NCK2: variants seen among roughly 807,000 people sequenced by gnomAD.
The protein encoded by NCK2 is cytoplasmic protein NCK2.
A neutral mutation model predicts 33.9 loss-of-function variants in NCK2; 16 were observed. The observed-to-expected ratio is 0.47, with a 90% CI of 0.32 to 0.72. The LOEUF (loss-of-function observed/expected upper bound fraction) is 0.72. Ranked by LOEUF, NCK2 falls within the 30% of genes least tolerant of loss-of-function variation. NCK2 has a pLI of 0.03. For missense variants in NCK2, 418 were observed against 537.3 expected (o/e 0.78, Z 2.19); for synonymous variants, 273 against 239.9 (o/e 1.14, Z -1.27).
chr2:105,778,976 A>G (rs1038449478), intron 1 of NCK2, among the ~76,000 whole-genome samples: 2 of 152,150 alleles, frequency 1.3e-5, no homozygotes, highest in South Asian at 2.1e-4. Flanking sequence ...CAATATTTAA[A>G]TGTTAAAACA....
chr2:105,846,180 G>A (rs1396554465), intron 2 of NCK2, among the ~76,000 whole-genome samples: 1 of 152,122 alleles, frequency 6.6e-6, no homozygotes, highest in Non-Finnish European at 1.5e-5. Context: ...GTGTACTTTT[G>A]TAGCTGGAGT....
At chr2:105,852,532 C>T (rs760260840) in intron 2 of NCK2, among the ~76,000 whole-genome samples, 2 of 152,102 alleles carry the variant, frequency 1.3e-5, no homozygotes, top group Admixed American at 1.3e-4. Flanking sequence ...GAAAATAGAT[C>T]CTGCCCAGCC....
In NCK2 at chr2:105,881,645, C is replaced by T. The variant is rs1446333026; in HGVS notation, c.544C>T (p.Leu182=). 7.4e-6 allele frequency: 12 copies of T among 1,613,398 alleles called. No homozygotes were observed. Among genetic ancestry groups the T allele is most frequent in the Non-Finnish European group, 9.3e-6 (11 of 1,179,586 alleles). Residue 182 remains leucine, a synonymous_variant, in exon 4 of 5, where the codon CTG becomes TTG. Coordinates refer to ENST00000233154, the MANE Select transcript of NCK2 (RefSeq NM_003581.5). Reference sequence around the variant, plus strand: ...TGCGGAGTCCCCAAGCTTCCTGAGCCTGCGCAAGGGCGCCTCGCTGAGCAA... The same window carrying T: ...TGCGGAGTCCCCAAGCTTCCTGAGCTTGCGCAAGGGCGCCTCGCTGAGCAA... The part of the protein sequence containing the change: ...AAAESPSFLS[L]RKGASLSNGQ...
chr2:105,792,652 C>T (rs752758092), intron 1 of NCK2, among the ~76,000 whole-genome samples: 8 of 152,102 alleles, frequency 5.3e-5, no homozygotes, highest in African/African-American at 1.2e-4. Flanking sequence ...TGGCAAAACC[C>T]GGTCTTTTGT....
chr2:105,827,651 G>A (rs1218945876), intron 2 of NCK2, among the ~76,000 whole-genome samples: 1 of 152,230 alleles, frequency 6.6e-6, no homozygotes, highest in East Asian at 1.9e-4. Context: ...AAATCATACA[G>A]AGTGTCTTCT....
chr2:105,888,304 G>A (rs1573254319), intron 4 of NCK2, among the ~76,000 whole-genome samples: 1 of 151,886 alleles, frequency 6.6e-6, no homozygotes, highest in South Asian at 2.1e-4. Context: ...CTCATAGAAG[G>A]ACATAACAGG....
chr2:105,844,032 G>T lies in NCK2; in HGVS notation c.-16-11016G>T, dbSNP rs985286067. On this transcript the variant is annotated intron_variant, in intron 2 of 4. Transcript: ENST00000233154. Reference sequence around the variant, plus strand: ...TATGGTAAGATGAGAATAGCATGTTGCCTCTGTGGTCTTCCTCCCAAAAGC... The same window carrying T: ...TATGGTAAGATGAGAATAGCATGTTTCCTCTGTGGTCTTCCTCCCAAAAGC... 2.3e-4 allele frequency among the ~76,000 whole-genome samples: 35 copies of T among 152,202 alleles called. 1 individual carries two copies. The highest frequency in any genetic ancestry group is 2.2e-3 in the Admixed American group (34 of 15,270).
intron 1 of NCK2, among the ~76,000 whole-genome samples, chr2:105,780,941 T>C (rs780012547): frequency 6.6e-6 from 1 of 152,158 alleles, no homozygotes; most frequent in Non-Finnish European, 1.5e-5. Context: ...GGTATTTTGT[T>C]ACAGCCAGCC....
In NCK2 at chr2:105,855,194, C is replaced by T. The variant is rs745514962; in HGVS notation, c.131C>T (p.Ala44Val). ...AAGACGTGGTGGCGGGTGAGGAACG[C>T]GGCCAACAGGACGGGCTATGTACCG... Reference protein sequence around the residue: ...DSKTWWRVRNAANRTGYVPSN... With the variant: ...DSKTWWRVRNVANRTGYVPSN... The change falls in exon 3 of 5, where the codon GCG (alanine) becomes GTG (valine). Residue 44 changes from alanine to valine, a missense_variant. Transcript: ENST00000233154. The T allele has an allele frequency of 3.1e-5, 50 of 1,613,964 alleles. 1 individual carries two copies. In the South Asian group the frequency reaches 4.6e-4, roughly 15 times the overall value.
Position 105,864,828 on chromosome 2 carries a change from T to TACACACAC in NCK2, c.226+9578_226+9585dup, listed in dbSNP as rs10524426. Among the ~76,000 whole-genome samples the TACACACAC allele has an allele frequency of 3.1e-3, 443 of 144,454 alleles. 3 individuals are homozygous for TACACACAC. The highest frequency in any genetic ancestry group is 0.01 in the African/African-American group (376 of 37,594). 94.8% of individuals were successfully genotyped at this position (144,454 alleles called of 152,430 possible). A position where few individuals can be genotyped will look rare whatever the true frequency, so the allele number is the denominator to read the frequency against. ...GTAACCTCTAGCTCACATGTGCATG[T>TACACACAC]ACACACACACACACACACACACACA... On this transcript the variant is annotated intron_variant, in intron 3 of 4. Transcript: ENST00000233154.
In NCK2 at chr2:105,794,109, C is replaced by T. The variant is rs142676809; in HGVS notation, c.-200-22321C>T. Among the ~76,000 whole-genome samples, 295 of 142,412 alleles carry T rather than the reference C, an allele frequency of 2.1e-3. 3 individuals carry two copies. The highest frequency in any genetic ancestry group is 7.2e-3 in the African/African-American group (273 of 37,676). The allele number at this position is 142,412 out of a possible 152,430, so 93.4% of individuals were successfully genotyped here. Reference sequence around the variant, plus strand: ...TGTCGCCCAGGCTGGAGTGCAGTGGCGCCATTTTGGCTCACTGCAACCTCC... The same window carrying T: ...TGTCGCCCAGGCTGGAGTGCAGTGGTGCCATTTTGGCTCACTGCAACCTCC... On this transcript the variant is annotated intron_variant, in intron 1 of 4. Coordinates refer to ENST00000233154, the MANE Select transcript of NCK2 (RefSeq NM_003581.5).
At chr2:105,821,968 C>T (rs942450368) in intron 2 of NCK2, among the ~76,000 whole-genome samples, 4 of 151,512 alleles carry the variant, frequency 2.6e-5, no homozygotes, top group East Asian at 4.1e-4. Flanking sequence ...GACATGGTAA[C>T]GACCCATTCT....
At chr2:105,772,127 G>A (rs886381639) in intron 1 of NCK2, among the ~76,000 whole-genome samples, 17 of 150,590 alleles carry the variant, frequency 1.1e-4, no homozygotes, top group Non-Finnish European at 2.5e-4. Context: ...AGCGTTTGCA[G>A]AGGCTGAGAA....
chr2:105,772,315 A>G (rs1277043789), intron 1 of NCK2, among the ~76,000 whole-genome samples: 1 of 152,106 alleles, frequency 6.6e-6, no homozygotes, highest in Non-Finnish European at 1.5e-5. Context: ...CTTCTGCCCC[A>G]TGGAATAAAC....
At chr2:105,791,313 T>C (rs1346694759) in intron 1 of NCK2, among the ~76,000 whole-genome samples, 1 of 152,234 alleles carries the variant, frequency 6.6e-6, no homozygotes, top group Non-Finnish European at 1.5e-5. Context: ...GGTCATTTTT[T>C]ACCTCTCCCA....
At chr2:105,839,295 AC>A (rs1412094105) in intron 2 of NCK2, among the ~76,000 whole-genome samples, 1 of 152,090 alleles carries the variant, frequency 6.6e-6, no homozygotes, top group East Asian at 1.9e-4. Context: ...TGACACAAAT[AC>A]CTTTAGTTTT....
chr2:105,820,222 C>G (rs761741680), intron 2 of NCK2, among the ~76,000 whole-genome samples: 6 of 152,224 alleles, frequency 3.9e-5, no homozygotes, highest in Non-Finnish European at 7.3e-5. Flanking sequence ...GTCATTCAGA[C>G]AATACTGGCT....
chr2:105,857,281 G>C (rs974990901), intron 3 of NCK2: 1 of 152,272 alleles, frequency 6.6e-6, no homozygotes, highest in African/African-American at 2.4e-5. Context: ...GCCAATGCGT[G>C]TACTCCCAGG....
intron 1 of NCK2, among the ~76,000 whole-genome samples, chr2:105,777,364 G>C (rs1368971547): frequency 6.6e-6 from 1 of 152,150 alleles, no homozygotes; most frequent in Non-Finnish European, 1.5e-5. Flanking sequence ...GTACAGAGGA[G>C]GGCTGGGGCA....
Sources: allele counts gnomAD v4.1 joint callset (sites outside exome capture counted in the v4.1 genomes callset), GRCh38; gene constraint gnomAD v4.1.1; transcripts MANE v1.5; gene names NCBI Gene and HGNC (gene_info 2026-07-23, HGNC 2026-07-21).